The following ETV3L variants were observed in gnomAD, a reference collection of about 807,000 sequenced individuals.
ETV3L encodes ETS translocation variant 3-like protein.
In ETV3L, 30 loss-of-function variants were observed where a neutral mutation model predicts 27.6. The ratio of observed to expected loss-of-function variants is 1.09; its 90% CI spans 0.81 to 1.48. ETV3L has a LOEUF of 1.48. Among genes scored for constraint, ETV3L ranks in the 40% most tolerant of loss-of-function variants. ETV3L has a pLI of 0.00. For missense variants in ETV3L, 443 were observed against 455.6 expected, an observed-to-expected ratio of 0.97 and a Z score of 0.25; for synonymous variants, 186 against 188.9, an observed-to-expected ratio of 0.98 and a Z score of 0.12.
Position 157,099,372 on chromosome 1 carries a change from G to A in ETV3L, c.65C>T (p.Ala22Val). ...GGCTTTGTAGGCCCAATCAGGGAAG[G>A]CCAACCCTGGGTGGAGAGGGGAGAG... Reference protein sequence around the residue: ...ANPGNWISGLAFPDWAYKAES... With the variant: ...ANPGNWISGLVFPDWAYKAES... The change falls in exon 2 of 5, where the codon GCC (alanine) becomes GTC (valine). Residue 22 changes from alanine (A) to valine (V), a missense_variant. Physicochemically the swap from Ala to Val is moderately conservative, Grantham distance 64 (BLOSUM62 0). Coordinates refer to ENST00000454449, the MANE Select transcript of ETV3L (RefSeq NM_001004341.2). 1 of 1,614,150 alleles carries A rather than the reference G, an allele frequency of 6.2e-7. No individual in the cohort carries two copies. The highest frequency in any genetic ancestry group is 8.5e-7 in the Non-Finnish European group (1 of 1,180,032).
At chr1:157,097,101 G>C (rs17404670) in intron 4 of ETV3L, among the ~76,000 whole-genome samples, 2 of 151,644 alleles carry the variant, frequency 1.3e-5, no homozygotes, top group Non-Finnish European at 2.9e-5. Flanking sequence ...CCACCGCATC[G>C]CAAGACTTGC....
Position 157,099,599 on chromosome 1 carries a change from G to C in ETV3L, c.-76C>G. On this transcript the variant is annotated 5_prime_UTR_variant, in exon 1 of 5. Coordinates refer to ENST00000454449, the MANE Select transcript of ETV3L (RefSeq NM_001004341.2). The stretch of plus-strand genomic sequence containing the variant: ...CACTTAAGAGGAAGGGAAGGAAGGA[G>C]GCAGAGGGGAGGACAGTGAAAGAGG... The C allele has an allele frequency of 6.4e-6, 8 of 1,248,186 alleles. No homozygotes were observed. Among genetic ancestry groups the C allele is most frequent in the East Asian group, 2.5e-5 (1 of 39,616 alleles). 77.3% of individuals were successfully genotyped at this position (1,248,186 alleles called of 1,614,324 possible).
rs771598780 is a variant in ETV3L at position 157,092,813 on chromosome 1, C to T, written c.922G>A (p.Glu308Lys). The change falls in exon 5 of 5, where the codon GAG (glutamate) becomes AAG (lysine). Residue 308 changes from glutamate (E) to lysine (K), a missense_variant. By Grantham distance (56) the Glu-to-Lys change is moderately conservative (BLOSUM62 1). Transcript: ENST00000454449. ...GGAGCAGGCTTTACTTCCAGCCCCT[C>T]GGGCCTGAGGGACAAGAGCCAAAGC... ...ERLWLLSLRP[E>K]GLEVKPAPMM... 7.4e-6 allele frequency: 12 copies of T among 1,614,066 alleles called. No homozygotes were observed. The highest frequency in any genetic ancestry group is 1.3e-5 in the African/African-American group (1 of 74,936).
intron 4 of ETV3L, 110 bp downstream of exon 4, chr1:157,097,758 A>T: frequency 3.0e-6 from 4 of 1,315,500 alleles, no homozygotes; most frequent in Non-Finnish European, 4.2e-6. Context: ...TGAATGAATG[A>T]GTTACATAGT....
At chr1:157,095,549 TTC>T (rs758241785) in intron 4 of ETV3L, among the ~76,000 whole-genome samples, 49 of 151,104 alleles carry the variant, frequency 3.2e-4, no homozygotes, top group African/African-American at 1.1e-3. Context: ...CTTTCTTTCT[TTC>T]TTTTTTTTTT....
intron 4 of ETV3L, among the ~76,000 whole-genome samples, chr1:157,096,059 T>C (rs1262228214): frequency 6.6e-6 from 1 of 152,152 alleles, no homozygotes; most frequent in Non-Finnish European, 1.5e-5. Context: ...TCTCCCAGTC[T>C]CTCTGTTCCA....
rs540393763 is a variant in ETV3L, at chr1:157,092,701, G to A, written c.1034C>T (p.Thr345Ile). 6.8e-6 allele frequency: 11 copies of A among 1,613,920 alleles called. No homozygotes were observed. In the Admixed American group the frequency reaches 1.5e-4, roughly 22 times the overall value. ...RRLKTGEESLTSPNLENLKAV... is the reference protein window; with the variant it reads ...RRLKTGEESLISPNLENLKAV... ...TTTGAGGTTCTCCAGATTGGGGGAAGTAAGGCTTTCCTCCCCAGTTTTGAG... is the reference window on the plus strand; with the variant it reads ...TTTGAGGTTCTCCAGATTGGGGGAAATAAGGCTTTCCTCCCCAGTTTTGAG... Residue 345 changes from threonine (T) to isoleucine (I), a missense_variant, in exon 5 of 5, where the codon ACT becomes ATT. Transcript: ENST00000454449.
In ETV3L at chr1:157,099,559, TG is replaced by T. The variant is rs1415335710; in HGVS notation, c.-37del. On this transcript the variant is annotated 5_prime_UTR_variant, in exon 1 of 5. Transcript: ENST00000454449. ...GGCGAGATGGGCTGTGTCTGGGCCT[TG>T]GGGAAATGGTCACCACTTAAGAGGA... is the stretch of plus-strand genomic sequence containing the variant. The T allele has an allele frequency of 3.2e-6, 5 of 1,577,516 alleles. No homozygotes were observed. The highest frequency in any genetic ancestry group is 1.4e-5 in the African/African-American group (1 of 73,682).
Position 157,093,082 on chromosome 1 carries a change from T to C in ETV3L, c.653A>G (p.His218Arg). The C allele has an allele frequency of 6.7e-7, 1 of 1,486,840 alleles. No homozygotes were observed. Among genetic ancestry groups the C allele is most frequent in the Non-Finnish European group, 8.9e-7 (1 of 1,118,896 alleles). The allele number at this position is 1,486,840 out of a possible 1,614,324, so 92.1% of individuals were successfully genotyped here. ...CAGCTCGCCTTGGACGCTCCCCAAA[T>C]GGCAGCAAAGGCCCAGCCGGCAGGG... ...PGPCRLGLCC[H>R]LGSVQGELPG... Residue 218 changes from histidine (H) to arginine (R), a missense_variant, in exon 5 of 5, where the codon CAT becomes CGT. Transcript: ENST00000454449.
At position 157,099,644 on chromosome 1, in the gene ETV3L, G is replaced by C; in HGVS notation, c.-121C>G. 1 of 797,072 alleles carries C rather than the reference G, an allele frequency of 1.3e-6. No individual in the cohort carries two copies. The highest frequency in any genetic ancestry group is 2.7e-5 in the East Asian group (1 of 37,316). 49.4% of individuals were successfully genotyped at this position (797,072 alleles called of 1,614,324 possible). ...AAGAGGAAGGAAAAATGGAGGGAAA[G>C]AAGGAAGGAAGGGAGAGGGTCAGGA... is the stretch of plus-strand genomic sequence containing the variant. On this transcript the variant is annotated 5_prime_UTR_variant, in exon 1 of 5. Transcript: ENST00000454449.
chr1:157,096,528 G>A (rs958944767), intron 4 of ETV3L, among the ~76,000 whole-genome samples: 4 of 152,180 alleles, frequency 2.6e-5, no homozygotes, highest in African/African-American at 7.2e-5. Flanking sequence ...CTTGGTTACC[G>A]CCCCATCATC....
intron 2 of ETV3L, 85 bp from the exon 3 acceptor site, chr1:157,098,980 G>A (rs909099537): frequency 2.8e-5 from 42 of 1,495,150 alleles, no homozygotes; most frequent in African/African-American, 8.3e-5. Flanking sequence ...CTCCCTAGCC[G>A]GGCTGACCCT....
At chr1:157,098,109 T>A (rs1308117548) in intron 3 of ETV3L, 121 bp from the exon 4 acceptor site, 2 of 1,225,374 alleles carry the variant, frequency 1.6e-6, no homozygotes, top group African/African-American at 1.6e-5. Context: ...CGATTTTTTT[T>A]TTTTTGAGTT....
chr1:157,099,682 A>C lies in ETV3L; in HGVS notation c.-159T>G. ...GAGAGGGTCAGGAAAGAAAGAGAGA[A>C]AAGGGAAGGGACAAGAGGTTGCCAG... On this transcript the variant is annotated 5_prime_UTR_variant, in exon 1 of 5. Coordinates refer to ENST00000454449, the MANE Select transcript of ETV3L (RefSeq NM_001004341.2). 3 of 682,030 alleles carry C rather than the reference A, an allele frequency of 4.4e-6. No individual in the cohort carries two copies. The highest frequency in any genetic ancestry group is 5.0e-6 in the Non-Finnish European group (2 of 399,302). The allele number at this position is 682,030 out of a possible 1,614,324, so 42.2% of individuals were successfully genotyped here.
At chr1:157,096,370 G>A (rs749905231) in intron 4 of ETV3L, among the ~76,000 whole-genome samples, 20 of 152,220 alleles carry the variant, frequency 1.3e-4, no homozygotes, top group Admixed American at 5.2e-4. Flanking sequence ...TGGCTTCCTA[G>A]CCCCTAGGAC....
At position 157,097,852 on chromosome 1, in the gene ETV3L, A is replaced by C. The variant is rs1285455644; in HGVS notation, c.607+16T>G. 3 of 1,610,276 alleles carry C rather than the reference A, an allele frequency of 1.9e-6. No individual in the cohort carries two copies. In the East Asian group the frequency reaches 6.7e-5, roughly 36 times the overall value. ...GGCTAAGATCCCCCTGGGCCCTCCC[A>C]GCCTTGAGCACTCACGGTAGACGCT... On this transcript the variant is annotated intron_variant, in intron 4 of 4. Transcript: ENST00000454449.
At chr1:157,095,985 C>G (rs1158761443) in intron 4 of ETV3L, among the ~76,000 whole-genome samples, 2 of 152,188 alleles carry the variant, frequency 1.3e-5, no homozygotes, top group African/African-American at 2.4e-5. Context: ...TCTGTAAGAG[C>G]TGATGTCTGC....
chr1:157,093,653 G>A (rs899492500), intron 4 of ETV3L, among the ~76,000 whole-genome samples: 1 of 151,824 alleles, frequency 6.6e-6, no homozygotes, highest in Admixed American at 6.6e-5. Context: ...CACCACATCC[G>A]GCTAATTTTT....
Position 157,099,622 on chromosome 1 carries a change from A to G in ETV3L, c.-99T>C. ...GAGGCAGAGGGGAGGACAGTGAAAG[A>G]GGAAGGAAAAATGGAGGGAAAGAAG... On this transcript the variant is annotated 5_prime_UTR_variant, in exon 1 of 5. Coordinates refer to ENST00000454449, the MANE Select transcript of ETV3L (RefSeq NM_001004341.2). 1.0e-6 allele frequency: 1 copy of G among 1,004,766 alleles called. No homozygotes were observed. The highest frequency in any genetic ancestry group is 1.5e-6 in the Non-Finnish European group (1 of 661,466). The allele number at this position is 1,004,766 out of a possible 1,614,324, so 62.2% of individuals were successfully genotyped here.
Sources: gnomAD v4.1 joint callset for allele counts (sites outside exome capture counted in the v4.1 genomes callset) on GRCh38, gnomAD v4.1.1 for gene constraint, MANE v1.5 for transcripts, NCBI Gene and HGNC (gene_info 2026-07-23, HGNC 2026-07-21) for gene names.